Variants in INTS14 observed in about 807,000 individuals in gnomAD.
The protein encoded by INTS14 is UPF0464 protein C15orf44.
Under a neutral mutation model 56.9 loss-of-function variants are expected in INTS14, and 27 were observed. That is an observed-to-expected ratio of 0.47 (90% confidence interval 0.35 to 0.65). The LOEUF is 0.65. Among genes scored for constraint, INTS14 ranks in the 30% least tolerant of loss-of-function variants. The pLI, the probability that INTS14 is intolerant of heterozygous loss-of-function variation, is 0.00. For missense variants in INTS14, 517 were observed against 632.2 expected, an observed-to-expected ratio of 0.82 and a Z score of 1.95; for synonymous variants, 207 against 236.2, an observed-to-expected ratio of 0.88 and a Z score of 1.13.
At chr15:65,599,083 G>T in intron 4 of INTS14, 93 bp from the exon 5 acceptor site, 1 of 767,470 alleles carries the variant, frequency 1.3e-6, no homozygotes, top group Non-Finnish European at 2.1e-6. Flanking sequence ...CGATAACATA[G>T]GCAATAAATA....
At chr15:65,597,414 T>A (rs1003829191) in intron 6 of INTS14, among the ~76,000 whole-genome samples, 1 of 152,184 alleles carries the variant, frequency 6.6e-6, no homozygotes, top group Non-Finnish European at 1.5e-5. Context: ...CTAAAAGATT[T>A]AACATGCACC....
Position 65,610,948 on chromosome 15 carries a change from A to G in INTS14, c.-63+150T>C, listed in dbSNP as rs554791049. ...GGGGAGGCCGGGAGCAGCGCCCCGG[A>G]ACTGGCGCCTCACAGACAGCGCGGG... is the stretch of plus-strand genomic sequence containing the variant. On this transcript the variant is annotated intron_variant, in intron 1 of 11. Coordinates refer to ENST00000313182, the MANE Select transcript of INTS14 (RefSeq NM_001394796.1). 1.2e-3 allele frequency: 1,736 copies of G among 1,471,762 alleles called. 26 individuals are homozygous for G. The African/African-American group carries it at 0.021, about 18-fold the overall frequency. The allele number at this position is 1,471,762 out of a possible 1,614,324, so 91.2% of individuals were successfully genotyped here. A position where few individuals can be genotyped will look rare whatever the true frequency, so the allele number is the denominator to read the frequency against.
intron 9 of INTS14, among the ~76,000 whole-genome samples, chr15:65,587,978 AAAAT>A (rs1035164701): frequency 1.3e-5 from 2 of 152,072 alleles, no homozygotes; most frequent in Non-Finnish European, 2.9e-5. Flanking sequence ...CCTGTCTCAA[AAAAT>A]AAATAAAAAA....
intron 9 of INTS14, chr15:65,586,595 G>A (rs887629137): frequency 1.3e-5 from 2 of 152,036 alleles, no homozygotes; most frequent in Admixed American, 6.5e-5. Context: ...TTAGTTGTCT[G>A]GAGCCTATAT....
At chr15:65,604,520 G>A (rs1466964778) in intron 3 of INTS14, among the ~76,000 whole-genome samples, 1 of 152,084 alleles carries the variant, frequency 6.6e-6, no homozygotes, top group African/African-American at 2.4e-5. Flanking sequence ...GCCTGAGCCA[G>A]GAGTTTGAGA....
At chr15:65,598,714 T>A in intron 5 of INTS14, 158 bp downstream of exon 5, 1 of 734,276 alleles carries the variant, frequency 1.4e-6, no homozygotes, top group Non-Finnish European at 2.2e-6. Flanking sequence ...AGATTTACTT[T>A]AAAAAACCAT....
In INTS14 at chr15:65,610,962, A is replaced by G. The variant is rs2073912088; in HGVS notation, c.-63+136T>C. 1.2e-5 allele frequency: 18 copies of G among 1,479,766 alleles called. No homozygotes were observed. In the East Asian group the frequency reaches 4.5e-4, roughly 37 times the overall value. The allele number at this position is 1,479,766 out of a possible 1,614,324, so 91.7% of individuals were successfully genotyped here. On this transcript the variant is annotated intron_variant, in intron 1 of 11. Coordinates refer to ENST00000313182, the MANE Select transcript of INTS14 (RefSeq NM_001394796.1). Reference sequence around the variant, plus strand: ...CAGCGCCCCGGAACTGGCGCCTCACAGACAGCGCGGGGCGGCCGCCACGGT... The same window carrying G: ...CAGCGCCCCGGAACTGGCGCCTCACGGACAGCGCGGGGCGGCCGCCACGGT...
intron 1 of INTS14, among the ~76,000 whole-genome samples, chr15:65,610,385 C>A (rs561129205): frequency 6.6e-6 from 1 of 152,160 alleles, no homozygotes; most frequent in East Asian, 1.9e-4. Context: ...CTGCCCACCA[C>A]AGTCTACCAA....
At chr15:65,601,499 A>G (rs1299005423) in intron 3 of INTS14, among the ~76,000 whole-genome samples, 1 of 152,122 alleles carries the variant, frequency 6.6e-6, no homozygotes, top group African/African-American at 2.4e-5. Context: ...TGTGCCATAA[A>G]GCCCACCTAA....
intron 9 of INTS14, among the ~76,000 whole-genome samples, chr15:65,585,813 A>G (rs2072798006): frequency 6.6e-6 from 1 of 152,250 alleles, no homozygotes; most frequent in African/African-American, 2.4e-5. Flanking sequence ...TGAGCCAGAC[A>G]TTCTCTATCC....
At chr15:65,606,702 C>T (rs58828223) in intron 2 of INTS14, among the ~76,000 whole-genome samples, 1 of 152,150 alleles carries the variant, frequency 6.6e-6, no homozygotes, top group African/African-American at 2.4e-5. Flanking sequence ...TATCTACCAA[C>T]TGAGATTTAA....
chr15:65,610,880 C>A (rs2141352400), intron 1 of INTS14: 1 of 1,500,016 alleles, frequency 6.7e-7, no homozygotes, highest in East Asian at 2.5e-5. Context: ...AGGGCGAAAT[C>A]GTGCAGTTTA....
intron 4 of INTS14, 187 bp downstream of exon 4, chr15:65,599,587 C>T (rs2073350974): frequency 8.3e-6 from 5 of 598,960 alleles, no homozygotes; most frequent in Non-Finnish European, 1.3e-5. Context: ...CCAGATGAGG[C>T]AACACTCTGA....
intron 9 of INTS14, among the ~76,000 whole-genome samples, chr15:65,588,118 G>A (rs1167794365): frequency 1.3e-5 from 2 of 149,534 alleles, no homozygotes; most frequent in Admixed American, 6.7e-5. Context: ...GTGAAACCCC[G>A]TACCTACTAA....
intron 1 of INTS14, among the ~76,000 whole-genome samples, chr15:65,608,760 G>A (rs117475294): frequency 6.6e-6 from 1 of 152,282 alleles, no homozygotes; most frequent in Non-Finnish European, 1.5e-5. Flanking sequence ...GAGATTAGGT[G>A]GATATAAACA....
intron 9 of INTS14, among the ~76,000 whole-genome samples, chr15:65,585,699 C>T (rs1387419387): frequency 2.0e-5 from 3 of 152,200 alleles, no homozygotes; most frequent in African/African-American, 7.2e-5. Flanking sequence ...TTACCACCTT[C>T]TCGTGTAGAC....
rs2072488544 is a variant in INTS14, at chr15:65,579,325, T to C, written c.*83A>G. The C allele has an allele frequency of 1.2e-5, 18 of 1,545,528 alleles. No individual in the cohort carries two copies. The highest frequency in any genetic ancestry group is 1.5e-5 in the Non-Finnish European group (17 of 1,143,134). ...CAGGAAGGTCTTTGGGTGGCTATTC[T>C]AGAGGTGAACATACTGGAAAGGTTT... On this transcript the variant is annotated 3_prime_UTR_variant, in exon 12 of 12. Coordinates refer to ENST00000313182, the MANE Select transcript of INTS14 (RefSeq NM_001394796.1).
chr15:65,610,828 G>C (rs1015005394), intron 1 of INTS14: 2 of 1,534,330 alleles, frequency 1.3e-6, no homozygotes, highest in Non-Finnish European at 1.7e-6. Flanking sequence ...GTGGGATCTG[G>C]AAGTCTCTCT....
chr15:65,582,086 G>T, intron 10 of INTS14, 67 bp from the exon 11 acceptor site: 2 of 1,339,824 alleles, frequency 1.5e-6, no homozygotes, highest in African/African-American at 2.9e-5. Flanking sequence ...TAATATAAAA[G>T]AATGGATCTA....
Sources: allele counts gnomAD v4.1 joint callset (sites outside exome capture counted in the v4.1 genomes callset), GRCh38; gene constraint gnomAD v4.1.1; transcripts MANE v1.5; gene names NCBI Gene and HGNC (gene_info 2026-07-23, HGNC 2026-07-21).